The following NCAN variants were observed in gnomAD, a reference collection of about 807,000 sequenced individuals.
The protein encoded by NCAN is neurocan core protein.
In NCAN, 47 loss-of-function variants were observed where a neutral mutation model predicts 121.8. That is an observed-to-expected ratio of 0.39 (90% CI 0.31 to 0.49). The LOEUF (loss-of-function observed/expected upper bound fraction) is 0.49. Among genes scored for constraint, NCAN ranks in the 20% least tolerant of loss-of-function variants. The pLI is 0.92. For missense variants in NCAN, 1,517 were observed against 1,773.4 expected (o/e 0.86, Z 2.60); for synonymous variants, 633 against 702.0 (o/e 0.90, Z 1.55).
Position 19,249,793 on chromosome 19 carries a change from A to T in NCAN, c.3848A>T (p.His1283Leu), listed in dbSNP as rs2060939884. 1 of 1,599,206 alleles carries T rather than the reference A, an allele frequency of 6.3e-7. No homozygotes were observed. The highest frequency in any genetic ancestry group is 1.1e-5 in the South Asian group (1 of 88,952). ...AGACGTTCACATCGGATGCGGCGAC[A>T]CCACCACCACCACCAACACCACCAC... is the stretch of plus-strand genomic sequence containing the variant. Reference protein sequence around the residue: ...KPRRSHRMRRHHHHHQHHHQH... With the variant: ...KPRRSHRMRRLHHHHQHHHQH... The change falls in exon 15 of 15, where the codon CAC becomes CTC. Residue 1283 changes from histidine (H) to leucine (L), a missense_variant. Coordinates refer to ENST00000252575, the MANE Select transcript of NCAN (RefSeq NM_004386.3).
chr19:19,227,099 C>G lies in NCAN; in HGVS notation c.1660+26C>G. 1 of 1,503,138 alleles carries G rather than the reference C, an allele frequency of 6.7e-7. No individual in the cohort carries two copies. The highest frequency in any genetic ancestry group is 8.9e-7 in the Non-Finnish European group (1 of 1,128,138). 93.1% of individuals were successfully genotyped at this position (1,503,138 alleles called of 1,614,324 possible). On this transcript the variant is annotated intron_variant, in intron 7 of 14. Transcript: ENST00000252575. This position sits in a 1 kb window ranked among gnomAD's most constrained non-coding sequence, Gnocchi z 4.2. ...GTGAGTTGCTCTGGGGGAGGCGGGA[C>G]CTACCTGGGGATCTGGAGGTGAGGG...
chr19:19,249,653 C>T (rs544198339), intron 14 of NCAN, 113 bp from the exon 15 acceptor site: 25 of 1,458,372 alleles, frequency 1.7e-5, no homozygotes, highest in Admixed American at 4.5e-5. Flanking sequence ...AGGGATGAGC[C>T]CTCGCGTCTG....
At chr19:19,213,752 C>G (rs1303662359) in intron 1 of NCAN, among the ~76,000 whole-genome samples, 2 of 152,040 alleles carry the variant, frequency 1.3e-5, no homozygotes, top group African/African-American at 4.8e-5. Flanking sequence ...GGGACGTGGT[C>G]TGTGTTCAGA....
chr19:19,228,125 G>A lies in NCAN; in HGVS notation c.2505G>A (p.Pro835=), dbSNP rs1031118901. Residue 835 remains proline, a synonymous_variant, in exon 8 of 15, where the codon CCG becomes CCA. Transcript: ENST00000252575. ...ATCCCATGGATTCCACAGTCACGCC[G>A]GCCCCCAGTGATGCTAGTGGAATTT... The part of the protein sequence containing the change: ...TVNPMDSTVT[P]APSDASGIWE... 3.1e-5 allele frequency: 50 copies of A among 1,613,692 alleles called. No homozygotes were observed. Among genetic ancestry groups the A allele is most frequent in the Non-Finnish European group, 4.1e-5 (48 of 1,180,034 alleles).
chr19:19,230,700 G>A (rs2060855030), intron 8 of NCAN, among the ~76,000 whole-genome samples: 2 of 145,408 alleles, frequency 1.4e-5, no homozygotes, highest in South Asian at 4.4e-4. Flanking sequence ...CTTCTGGGCT[G>A]TGTTGGGGTG....
Position 19,238,362 on chromosome 19 carries a change from C to T in NCAN, c.3360C>T (p.Ser1120=), listed in dbSNP as rs146079504. The T allele has an allele frequency of 6.2e-6, 10 of 1,614,062 alleles. No homozygotes were observed. In the African/African-American group the frequency reaches 6.7e-5, roughly 11 times the overall value. Residue 1120 remains serine (S), a synonymous_variant, in exon 11 of 15, where the codon TCC becomes TCT. Transcript: ENST00000252575. ...EDAEKDCRRR[S]GHLTSVHSPE... ...CCGAGAAGGACTGCCGCCGCCGCTC[C>T]GGCCACCTGACCAGCGTCCACTCAC...
chr19:19,224,542 C>T, intron 5 of NCAN, 109 bp downstream of exon 5: 1 of 1,383,526 alleles, frequency 7.2e-7, no homozygotes, highest in Admixed American at 2.3e-5. Context: ...TGTCTTATAC[C>T]TCCCTAAACC....
At chr19:19,231,079 C>T (rs978676574) in intron 8 of NCAN, among the ~76,000 whole-genome samples, 5 of 151,976 alleles carry the variant, frequency 3.3e-5, no homozygotes, top group Non-Finnish European at 5.9e-5. Context: ...GGAGGCAGGC[C>T]GACCGCCCCA....
chr19:19,228,132 A>T lies in NCAN; in HGVS notation c.2512A>T (p.Ser838Cys), dbSNP rs1373489545. The change falls in exon 8 of 15, where the codon AGT (serine) becomes TGT (cysteine). Residue 838 changes from serine to cysteine, a missense_variant. Physicochemically the swap from Ser to Cys is moderately radical, Grantham distance 112. Coordinates refer to ENST00000252575, the MANE Select transcript of NCAN (RefSeq NM_004386.3). Reference sequence around the variant, plus strand: ...GGATTCCACAGTCACGCCGGCCCCCAGTGATGCTAGTGGAATTTGGGAACC... The same window carrying T: ...GGATTCCACAGTCACGCCGGCCCCCTGTGATGCTAGTGGAATTTGGGAACC... The part of the protein sequence containing the change: ...PMDSTVTPAP[S>C]DASGIWEPGS... 6.2e-7 allele frequency: 1 copy of T among 1,613,588 alleles called. No individual in the cohort carries two copies. Among genetic ancestry groups the T allele is most frequent in the Non-Finnish European group, 8.5e-7 (1 of 1,180,020 alleles).
In NCAN at chr19:19,228,498, C is replaced by T. The variant is rs777837152; in HGVS notation, c.2878C>T (p.Leu960=). 5.6e-6 allele frequency: 9 copies of T among 1,613,426 alleles called. No individual in the cohort carries two copies. The Admixed American group carries it at 1.5e-4, about 27-fold the overall frequency. Reference sequence around the variant, plus strand: ...ACCGTGGGACCCCTCCAGCACCCTGCTGCCTGTCACCCTGGGCATAGAGGA... The same window carrying T: ...ACCGTGGGACCCCTCCAGCACCCTGTTGCCTGTCACCCTGGGCATAGAGGA... ...TVPWDPSSTL[L]PVTLGIEDFE... is the part of the protein sequence containing the mutation. The change falls in exon 8 of 15, where the codon CTG becomes TTG. Residue 960 remains leucine (L), a synonymous_variant. Transcript: ENST00000252575.
rs1743593908 is a variant in NCAN, at chr19:19,212,255, A to G, written c.-8+191A>G. On this transcript the variant is annotated intron_variant, in intron 1 of 14. Transcript: ENST00000252575. This position sits in a 1 kb window ranked among gnomAD's most constrained non-coding sequence, Gnocchi z 4.5. ...GGGGGCTTGGGAATGCTAGGTGAACAGACATTTGGGGAGGAAGGTTGTCCG... is the reference window on the plus strand; with the variant it reads ...GGGGGCTTGGGAATGCTAGGTGAACGGACATTTGGGGAGGAAGGTTGTCCG... Among the ~76,000 whole-genome samples, 1 of 149,252 alleles carries G rather than the reference A, an allele frequency of 6.7e-6. No homozygotes were observed. The highest frequency in any genetic ancestry group is 2.5e-5 in the African/African-American group (1 of 40,186).
intron 1 of NCAN, among the ~76,000 whole-genome samples, chr19:19,216,079 C>T (rs912208080): frequency 7.9e-5 from 12 of 152,186 alleles, no homozygotes; most frequent in African/African-American, 2.4e-4. Flanking sequence ...TGAGCCAATT[C>T]CAGATTTGAT....
At chr19:19,235,660 T>C (rs2060878594) in intron 10 of NCAN, among the ~76,000 whole-genome samples, 1 of 147,806 alleles carries the variant, frequency 6.8e-6, no homozygotes, top group Admixed American at 6.8e-5. Flanking sequence ...CACTGCAACC[T>C]CCAACTCCCT....
chr19:19,236,135 C>A (rs1226218165), intron 10 of NCAN, among the ~76,000 whole-genome samples: 1 of 152,176 alleles, frequency 6.6e-6, no homozygotes, highest in Non-Finnish European at 1.5e-5. Flanking sequence ...ACTTTTTCAA[C>A]ACCCCAGAAG....
chr19:19,243,358 A>T (rs1599823379), intron 12 of NCAN, among the ~76,000 whole-genome samples: 1 of 151,990 alleles, frequency 6.6e-6, no homozygotes, highest in African/African-American at 2.4e-5. Context: ...TCTACTAAAA[A>T]TACAAAAATT....
In NCAN at chr19:19,227,826, G is replaced by A. The variant is rs1183534615; in HGVS notation, c.2206G>A (p.Val736Ile). ...PWPSVNRNVA[V>I]GFVPTETATE... ...GCCTTCTGTAAACAGGAATGTGGCT[G>A]TAGGTTTTGTCCCCACTGAGACTGC... The change falls in exon 8 of 15, where the codon GTA becomes ATA. Residue 736 changes from valine (V) to isoleucine (I), a missense_variant. By Grantham distance (29) the Val-to-Ile change is conservative. Coordinates refer to ENST00000252575, the MANE Select transcript of NCAN (RefSeq NM_004386.3). The surrounding 1 kb of genome is among the most constrained non-coding windows in gnomAD (Gnocchi z 4.2). The A allele has an allele frequency of 1.2e-6, 2 of 1,613,668 alleles. No individual in the cohort carries two copies. The highest frequency in any genetic ancestry group is 1.7e-6 in the Non-Finnish European group (2 of 1,180,016).
chr19:19,237,072 C>T (rs534993663), intron 10 of NCAN, among the ~76,000 whole-genome samples: 10 of 150,616 alleles, frequency 6.6e-5, no homozygotes, highest in Non-Finnish European at 1.2e-4. Context: ...TACCACCACA[C>T]GTGACTCAAT....
At chr19:19,241,161 C>T (rs1049451967) in intron 12 of NCAN, among the ~76,000 whole-genome samples, 2 of 151,874 alleles carry the variant, frequency 1.3e-5, no homozygotes, top group Non-Finnish European at 1.5e-5. Context: ...GAGGCTGAGG[C>T]GTGAGAATCG....
At chr19:19,235,588 T>A (rs138990089) in intron 10 of NCAN, among the ~76,000 whole-genome samples, 5,320 of 131,030 alleles carry the variant, frequency 0.041, 131 homozygotes, top group Non-Finnish European at 0.051. Context: ...ATTTTATTTT[T>A]TTTTTTTGAG....
Sources: gnomAD v4.1 joint callset for allele counts (sites outside exome capture counted in the v4.1 genomes callset) on GRCh38, gnomAD v4.1.1 for gene constraint, Gnocchi (gnomAD v3.1) non-coding constraint, MANE v1.5 for transcripts, NCBI Gene and HGNC (gene_info 2026-07-23, HGNC 2026-07-21) for gene names.